SPAG16: variants seen among roughly 807,000 people sequenced by gnomAD.
SPAG16 encodes sperm associated antigen 16, also known as sperm-associated antigen 16 protein.
SPAG16 carries 86 observed loss-of-function variants against 80.4 expected under a neutral mutation model. The observed-to-expected ratio is 1.07, with a 90% CI of 0.90 to 1.28. SPAG16 has a LOEUF of 1.28. Among genes scored for constraint, SPAG16 ranks in the 50% most tolerant of loss-of-function variants. The probability of loss-of-function intolerance (pLI) is 0.00; values close to 1 mark genes in which losing one functional copy is unlikely to be tolerated. For synonymous variants in SPAG16, 294 were observed against 265.9 expected, an observed-to-expected ratio of 1.11 and a Z score of -1.03; for missense variants, 870 against 765.3, an observed-to-expected ratio of 1.14 and a Z score of -1.61.
intron 9 of SPAG16, among the ~76,000 whole-genome samples, chr2:213,432,058 C>G (rs1334337062): frequency 6.6e-6 from 1 of 151,786 alleles, no homozygotes; most frequent in Non-Finnish European, 1.5e-5. Context: ...AATATGAAAA[C>G]ACAACATATC....
chr2:214,200,642 C>T (rs1478860024), intron 15 of SPAG16, among the ~76,000 whole-genome samples: 1 of 152,086 alleles, frequency 6.6e-6, no homozygotes, highest in Non-Finnish European at 1.5e-5. Flanking sequence ...CACTTCACTC[C>T]TGCCTGGGAG....
intron 15 of SPAG16, chr2:214,238,804 TC>T (rs1402828394): frequency 1.2e-4 from 18 of 152,058 alleles, no homozygotes; most frequent in Non-Finnish European, 5.9e-5. Flanking sequence ...AATAGAAACA[TC>T]TTTGTTCACT....
intron 11 of SPAG16, among the ~76,000 whole-genome samples, chr2:213,918,030 C>G (rs376611080): frequency 9.9e-5 from 15 of 152,054 alleles, no homozygotes; most frequent in East Asian, 7.7e-4. Flanking sequence ...AGATAATCAT[C>G]TGGTTTTTCT....
At chr2:214,334,247 T>A (rs1362914134) in intron 15 of SPAG16, among the ~76,000 whole-genome samples, 1 of 152,234 alleles carries the variant, frequency 6.6e-6, no homozygotes, top group Non-Finnish European at 1.5e-5. Context: ...GGAGGGGAGC[T>A]ATAGATAGAT....
At chr2:213,747,116 G>A (rs1456194841) in intron 10 of SPAG16, among the ~76,000 whole-genome samples, 1 of 152,168 alleles carries the variant, frequency 6.6e-6, no homozygotes, top group Non-Finnish European at 1.5e-5. Context: ...CCCTGACCTT[G>A]TGTAGGCCTA....
chr2:213,397,009 G>A (rs1357480913), intron 9 of SPAG16, among the ~76,000 whole-genome samples: 10 of 152,152 alleles, frequency 6.6e-5, no homozygotes, highest in African/African-American at 2.4e-4. Context: ...TTTACTATGA[G>A]TGTTCCCTTC....
intron 15 of SPAG16, among the ~76,000 whole-genome samples, chr2:214,286,473 G>A (rs572089210): frequency 5.9e-5 from 9 of 152,140 alleles, no homozygotes; most frequent in Non-Finnish European, 1.3e-4. Context: ...GAGGCTGGGC[G>A]TGGTGGCTCA....
chr2:214,332,831 G>A (rs1433853193), intron 15 of SPAG16, among the ~76,000 whole-genome samples: 2 of 152,014 alleles, frequency 1.3e-5, no homozygotes, highest in African/African-American at 2.4e-5. Flanking sequence ...TAATATAGGG[G>A]TTCTGTCACC....
intron 9 of SPAG16, among the ~76,000 whole-genome samples, chr2:213,449,949 A>C (rs902779624): frequency 6.6e-6 from 1 of 152,216 alleles, no homozygotes; most frequent in African/African-American, 2.4e-5. Flanking sequence ...TTCCACCAAC[A>C]TATATTTTTA....
chr2:214,044,367 C>T lies in SPAG16; in HGVS notation c.1527+30290C>T, dbSNP rs1278310824. On this transcript the variant is annotated intron_variant, in intron 13 of 15. Coordinates refer to ENST00000331683, the MANE Select transcript of SPAG16 (RefSeq NM_024532.5). ...TTTCTGCTACCGTGCTGTGGTTTCT[C>T]CCAATCAACAGAGTTGCTTATAGAC... Among the ~76,000 whole-genome samples, 3 of 152,166 alleles carry T rather than the reference C, an allele frequency of 2.0e-5. No individual in the cohort carries two copies. In the East Asian group the frequency reaches 5.8e-4, roughly 29 times the overall value.
At chr2:213,777,572 AT>A (rs1310255336) in intron 10 of SPAG16, among the ~76,000 whole-genome samples, 1 of 151,866 alleles carries the variant, frequency 6.6e-6, no homozygotes, top group African/African-American at 2.4e-5. Flanking sequence ...CGCCTGGCTA[AT>A]TTTTTAAGTA....
chr2:213,421,780 C>G (rs538323284), intron 9 of SPAG16, among the ~76,000 whole-genome samples: 8 of 152,244 alleles, frequency 5.3e-5, no homozygotes, highest in African/African-American at 1.9e-4. Flanking sequence ...ATTCAGACAA[C>G]CTGCCTGCAG....
intron 6 of SPAG16, among the ~76,000 whole-genome samples, chr2:213,341,150 G>A (rs1324157124): frequency 6.6e-6 from 1 of 152,048 alleles, no homozygotes; most frequent in Admixed American, 6.6e-5. Flanking sequence ...TACTCAGATA[G>A]CCTTTATTTC....
intron 7 of SPAG16, among the ~76,000 whole-genome samples, chr2:213,358,599 A>T (rs1028702470): frequency 3.3e-5 from 5 of 152,172 alleles, no homozygotes; most frequent in Non-Finnish European, 5.9e-5. Context: ...TGTGGTTTTC[A>T]GCTCCATCAG....
intron 10 of SPAG16, among the ~76,000 whole-genome samples, chr2:213,792,027 AT>A (rs1442132225): frequency 6.6e-6 from 1 of 152,190 alleles, no homozygotes; most frequent in Non-Finnish European, 1.5e-5. Flanking sequence ...CCCAAGCCAA[AT>A]GTGTCTTTCT....
intron 14 of SPAG16, among the ~76,000 whole-genome samples, chr2:214,131,097 T>G (rs1033365389): frequency 6.6e-6 from 1 of 152,082 alleles, no homozygotes; most frequent in Non-Finnish European, 1.5e-5. Context: ...TCGTGGGAGA[T>G]TCAAACAAGT....
intron 10 of SPAG16, among the ~76,000 whole-genome samples, chr2:213,577,509 GTT>G (rs2060168262): frequency 1.3e-5 from 2 of 152,198 alleles, no homozygotes; most frequent in South Asian, 4.1e-4. Flanking sequence ...CATCTCAACT[GTT>G]TATTTCTGCT....
At chr2:214,320,751 C>T (rs1237668814) in intron 15 of SPAG16, among the ~76,000 whole-genome samples, 1 of 152,152 alleles carries the variant, frequency 6.6e-6, no homozygotes, top group Admixed American at 6.5e-5. Flanking sequence ...ACCCATGATT[C>T]AATTACCTCC....
intron 10 of SPAG16, among the ~76,000 whole-genome samples, chr2:213,676,770 C>T (rs2064102038): frequency 6.6e-6 from 1 of 150,584 alleles, no homozygotes; most frequent in African/African-American, 2.5e-5. Context: ...TGATGTGCTG[C>T]TGGATTCGGT....
Sources: gnomAD v4.1 joint callset for allele counts (sites outside exome capture counted in the v4.1 genomes callset) on GRCh38, gnomAD v4.1.1 for gene constraint, MANE v1.5 for transcripts, NCBI Gene and HGNC (gene_info 2026-07-23, HGNC 2026-07-21) for gene names.